The following CSMD1 variants were observed in gnomAD, a reference collection of about 807,000 sequenced individuals.
CSMD1 encodes the protein CUB and sushi domain-containing protein 1.
A neutral mutation model predicts 417.5 loss-of-function variants in CSMD1; 213 were observed. The observed-to-expected ratio is 0.51, with a 90% confidence interval of 0.46 to 0.57. The LOEUF is 0.57. Ranked by LOEUF, CSMD1 falls within the 20% of genes least tolerant of loss-of-function variation. The probability of loss-of-function intolerance (pLI) is 0.00; values close to 1 mark genes in which losing one functional copy is unlikely to be tolerated. For synonymous variants in CSMD1, 2,862 were observed against 1,736.8 expected (o/e 1.65, Z -16.11); for missense variants, 6,923 against 4,529.7 (o/e 1.53, Z -15.17).
intron 4 of CSMD1, among the ~76,000 whole-genome samples, chr8:4,001,406 G>C (rs565719940): frequency 6.6e-6 from 1 of 152,156 alleles, no homozygotes; most frequent in Non-Finnish European, 1.5e-5. Flanking sequence ...CCTGCAGAAG[G>C]TGTCTAGGGA....
At position 4,144,117 on chromosome 8, in the gene CSMD1, G is replaced by C. The variant is rs1387825036; in HGVS notation, c.416-112018C>G. 4.0e-5 allele frequency among the ~76,000 whole-genome samples: 6 copies of C among 151,112 alleles called. 1 individual carries two copies. The highest frequency in any genetic ancestry group is 2.1e-4 in the South Asian group (1 of 4,830). The stretch of plus-strand genomic sequence containing the variant: ...AGAAAGTTTGAGTTAATTGGGCTTA[G>C]GTTCCCTGCCCCCAGACCCAGATGT... On this transcript the variant is annotated intron_variant, in intron 3 of 69. Transcript: ENST00000635120.
At position 3,737,477 on chromosome 8, in the gene CSMD1, G is replaced by C. The variant is rs145309670; in HGVS notation, c.931+16453C>G. On this transcript the variant is annotated intron_variant, in intron 6 of 69. Coordinates refer to ENST00000635120, the MANE Select transcript of CSMD1 (RefSeq NM_033225.6). The stretch of plus-strand genomic sequence containing the variant: ...ATTAATTGTTAAATGCCATCATCTT[G>C]CTCTCTGTTGAAAAATTTCTCTGTT... 1.2e-3 allele frequency among the ~76,000 whole-genome samples: 187 copies of C among 152,282 alleles called. 1 individual carries two copies. Among genetic ancestry groups the C allele is most frequent in the African/African-American group, 4.2e-3 (176 of 41,564 alleles).
chr8:3,898,648 C>A (rs537248993), intron 5 of CSMD1, among the ~76,000 whole-genome samples: 5 of 152,144 alleles, frequency 3.3e-5, no homozygotes, highest in Non-Finnish European at 5.9e-5. Context: ...CATTTTGAAT[C>A]CACATGCAGA....
intron 2 of CSMD1, among the ~76,000 whole-genome samples, chr8:4,615,588 C>G (rs1801428146): frequency 6.6e-6 from 1 of 152,154 alleles, no homozygotes; most frequent in Non-Finnish European, 1.5e-5. Context: ...ATAAACACTT[C>G]ATTCAAAGCA....
chr8:3,470,488 C>T (rs1444986877), intron 11 of CSMD1, among the ~76,000 whole-genome samples: 2 of 152,186 alleles, frequency 1.3e-5, no homozygotes, highest in Non-Finnish European at 2.9e-5. Context: ...GACATGGATA[C>T]AACCTACCAG....
At chr8:3,691,906 G>C (rs894068355) in intron 7 of CSMD1, among the ~76,000 whole-genome samples, 1 of 152,154 alleles carries the variant, frequency 6.6e-6, no homozygotes, top group Non-Finnish European at 1.5e-5. Context: ...GATTAAGCAT[G>C]TTTCACTGTG....
intron 3 of CSMD1, among the ~76,000 whole-genome samples, chr8:4,081,552 T>C (rs1183797745): frequency 6.6e-6 from 1 of 152,256 alleles, no homozygotes; most frequent in African/African-American, 2.4e-5. Flanking sequence ...ACCGAAGCTG[T>C]GCTCATGTTG....
intron 3 of CSMD1, among the ~76,000 whole-genome samples, chr8:4,402,725 T>C (rs1057183529): frequency 2.6e-5 from 4 of 151,440 alleles, no homozygotes; most frequent in African/African-American, 9.7e-5. Context: ...TATCCTTCTC[T>C]CACCTCATTC....
intron 2 of CSMD1, among the ~76,000 whole-genome samples, chr8:4,572,615 G>A (rs1585268516): frequency 6.6e-6 from 1 of 152,104 alleles, no homozygotes; most frequent in African/African-American, 2.4e-5. Context: ...TCTTCTCAAG[G>A]AGTATCTGAG....
intron 3 of CSMD1, among the ~76,000 whole-genome samples, chr8:4,280,754 T>C (rs934272719): frequency 1.2e-4 from 18 of 152,230 alleles, no homozygotes; most frequent in Non-Finnish European, 2.4e-4. Flanking sequence ...GTACCCATAT[T>C]TTTAAAAACA....
intron 3 of CSMD1, among the ~76,000 whole-genome samples, chr8:4,344,190 C>G (rs1342096279): frequency 6.6e-6 from 1 of 152,098 alleles, no homozygotes; most frequent in Non-Finnish European, 1.5e-5. Context: ...TCAGATTTCT[C>G]TGTAACCGTC....
chr8:3,058,799 C>A (rs1257051599), intron 49 of CSMD1, among the ~76,000 whole-genome samples: 2 of 151,992 alleles, frequency 1.3e-5, no homozygotes, highest in Admixed American at 6.5e-5. Context: ...TGCCCACACA[C>A]GGTTTACAAA....
chr8:3,650,392 A>G (rs1370083223), intron 7 of CSMD1, among the ~76,000 whole-genome samples: 2 of 152,180 alleles, frequency 1.3e-5, no homozygotes, highest in Non-Finnish European at 2.9e-5. Context: ...ATTAGGGAAA[A>G]TTATGACATG....
chr8:3,337,885 C>T (rs929110085), intron 23 of CSMD1, among the ~76,000 whole-genome samples: 1 of 152,202 alleles, frequency 6.6e-6, no homozygotes, highest in Non-Finnish European at 1.5e-5. Flanking sequence ...TCTGTTCAAA[C>T]TTCTGCCAAT....
intron 3 of CSMD1, among the ~76,000 whole-genome samples, chr8:4,379,348 C>G (rs1374293291): frequency 2.0e-5 from 3 of 152,138 alleles, no homozygotes; most frequent in African/African-American, 7.2e-5. Flanking sequence ...GGAGGAGATT[C>G]AGGAGACAGG....
intron 30 of CSMD1, among the ~76,000 whole-genome samples, chr8:3,210,495 T>C (rs1197800075): frequency 3.0e-5 from 1 of 33,240 alleles, no homozygotes; most frequent in African/African-American, 1.7e-4. Flanking sequence ...AATATGTATA[T>C]ATGTATATAT....
chr8:4,902,711 T>C (rs1454538750), intron 1 of CSMD1, among the ~76,000 whole-genome samples: 1 of 152,110 alleles, frequency 6.6e-6, no homozygotes, highest in East Asian at 1.9e-4. Flanking sequence ...TACAAAATTC[T>C]ACATATATCA....
chr8:4,437,986 C>T (rs975346786), intron 2 of CSMD1, among the ~76,000 whole-genome samples: 4 of 152,016 alleles, frequency 2.6e-5, no homozygotes, highest in African/African-American at 9.7e-5. Context: ...TGACAGAAAC[C>T]CAATAAAGTG....
intron 37 of CSMD1, among the ~76,000 whole-genome samples, chr8:3,178,128 G>C (rs957345441): frequency 6.6e-6 from 1 of 152,142 alleles, no homozygotes; most frequent in South Asian, 2.1e-4. Flanking sequence ...CCCTGAGACT[G>C]TAGATCATAT....
Sources: allele counts gnomAD v4.1 joint callset (sites outside exome capture counted in the v4.1 genomes callset), GRCh38; gene constraint gnomAD v4.1.1; transcripts MANE v1.5; gene names NCBI Gene and HGNC (gene_info 2026-07-23, HGNC 2026-07-21).